The following TRIM60 variants were observed in gnomAD, a reference collection of about 807,000 sequenced individuals.
TRIM60 encodes the protein tripartite motif-containing protein 60.
For missense variants in TRIM60, 524 were observed against 540.8 expected, an observed-to-expected ratio of 0.97 and a Z score of 0.31; for synonymous variants, 189 against 195.2, an observed-to-expected ratio of 0.97 and a Z score of 0.27.
rs747251879 is a variant in TRIM60 at position 165,040,914 on chromosome 4, C to T, written c.842C>T (p.Pro281Leu). 6.2e-7 allele frequency: 1 copy of T among 1,613,214 alleles called. No individual in the cohort carries two copies. Among genetic ancestry groups the T allele is most frequent in the Admixed American group, 1.7e-5 (1 of 59,916 alleles). ...ACAAAATATGGTTTCAGTCTTCCTC[C>T]TCAATATTCTGGCTTGGACAGAATT... is the stretch of plus-strand genomic sequence containing the variant. ...RLTKYGFSLP[P>L]QYSGLDRIIK... Residue 281 changes from proline to leucine, a missense_variant, in exon 3 of 3, where the codon CCT (proline) becomes CTT (leucine). Transcript: ENST00000512596.
At chr4:165,037,766 G>A (rs961486950) in intron 1 of TRIM60, among the ~76,000 whole-genome samples, 1 of 152,178 alleles carries the variant, frequency 6.6e-6, no homozygotes, top group Admixed American at 6.5e-5. Context: ...GTGCAGTGGA[G>A]CTCTCTTTTA....
intron 1 of TRIM60, among the ~76,000 whole-genome samples, chr4:165,032,791 G>T (rs905187127): frequency 6.6e-5 from 10 of 152,152 alleles, no homozygotes; most frequent in Non-Finnish European, 1.2e-4. Flanking sequence ...GCTCACTTAC[G>T]TTTCGTATCA....
Position 165,040,393 on chromosome 4 carries a change from C to T in TRIM60, c.321C>T (p.Phe107=), listed in dbSNP as rs749143630. ...AACACAACCAGTTTCTGACCCTCTT[C>T]TGTGTTAAAGATCTAGAGATCTTAT... ...CEKHNQFLTL[F]CVKDLEILCT... is the part of the protein sequence containing the mutation. Residue 107 remains phenylalanine (F), a synonymous_variant, in exon 3 of 3, where the codon TTC becomes TTT. Transcript: ENST00000512596. 6.2e-7 allele frequency: 1 copy of T among 1,614,214 alleles called. No individual in the cohort carries two copies. The highest frequency in any genetic ancestry group is 8.5e-7 in the Non-Finnish European group (1 of 1,180,038).
rs1318726260 is a variant in TRIM60 at position 165,040,632 on chromosome 4, T to C, written c.560T>C (p.Phe187Ser). Residue 187 changes from phenylalanine to serine, a missense_variant, in exon 3 of 3, where the codon TTT becomes TCT. Coordinates refer to ENST00000512596, the MANE Select transcript of TRIM60 (RefSeq NM_152620.3). ...EYKREEINSE[F>S]EQIRLFLQNE... is the part of the protein sequence containing the mutation. The stretch of plus-strand genomic sequence containing the variant: ...AAGAGGGAAGAAATAAATTCTGAGT[T>C]TGAGCAAATAAGATTGTTTTTACAG... 2.5e-6 allele frequency: 4 copies of C among 1,614,094 alleles called. No individual in the cohort carries two copies. The highest frequency in any genetic ancestry group is 3.4e-6 in the Non-Finnish European group (4 of 1,180,012).
At chr4:165,040,016 G>C in intron 2 of TRIM60, 53 bp from the exon 3 acceptor site, 1 of 1,469,494 alleles carries the variant, frequency 6.8e-7, no homozygotes, top group Non-Finnish European at 9.3e-7. Context: ...TGCGCTCTAC[G>C]GAGGCAGGAC....
intron 1 of TRIM60, among the ~76,000 whole-genome samples, chr4:165,037,868 A>G (rs920454839): frequency 6.6e-6 from 1 of 152,190 alleles, no homozygotes; most frequent in Non-Finnish European, 1.5e-5. Flanking sequence ...TCATTCATGT[A>G]TCCACTTGTT....
chr4:165,032,496 G>T (rs559056859), intron 1 of TRIM60, among the ~76,000 whole-genome samples: 1 of 152,156 alleles, frequency 6.6e-6, no homozygotes, highest in Admixed American at 6.5e-5. Flanking sequence ...TGGTCCGCCC[G>T]CCTCGGCCTT....
chr4:165,040,307 A>G lies in TRIM60; in HGVS notation c.235A>G (p.Lys79Glu), dbSNP rs1169572929. ...PQLRNLTEIA[K>E]QLQIRRSKRK... ...GCTCCGTAATTTGACTGAAATTGCT[A>G]AACAACTCCAGATTAGGAGGAGCAA... Residue 79 changes from lysine to glutamate, a missense_variant, in exon 3 of 3, where the codon AAA becomes GAA. Coordinates refer to ENST00000512596, the MANE Select transcript of TRIM60 (RefSeq NM_152620.3). 2 of 1,614,098 alleles carry G rather than the reference A, an allele frequency of 1.2e-6. No homozygotes were observed. Among genetic ancestry groups the G allele is most frequent in the Non-Finnish European group, 1.7e-6 (2 of 1,180,040 alleles).
chr4:165,037,000 C>T (rs979029595), intron 1 of TRIM60, among the ~76,000 whole-genome samples: 2 of 151,932 alleles, frequency 1.3e-5, no homozygotes, highest in South Asian at 4.2e-4. Context: ...GTCAGGAGTT[C>T]GAGACCAGCC....
At position 165,041,497 on chromosome 4, in the gene TRIM60, T is replaced by C; in HGVS notation, c.*9T>C. 1 of 1,503,976 alleles carries C rather than the reference T, an allele frequency of 6.6e-7. No individual in the cohort carries two copies. Among genetic ancestry groups the C allele is most frequent in the Non-Finnish European group, 8.9e-7 (1 of 1,123,700 alleles). 93.2% of individuals were successfully genotyped at this position (1,503,976 alleles called of 1,614,324 possible). A position where few individuals can be genotyped will look rare whatever the true frequency, so the allele number is the denominator to read the frequency against. On this transcript the variant is annotated 3_prime_UTR_variant, in exon 3 of 3. Coordinates refer to ENST00000512596, the MANE Select transcript of TRIM60 (RefSeq NM_152620.3). Reference sequence around the variant, plus strand: ...CAGATTCTGAAAGATAAGGAACTGGTAAATGGGTCTGTTTCAGTTTTTGTA... The same window carrying C: ...CAGATTCTGAAAGATAAGGAACTGGCAAATGGGTCTGTTTCAGTTTTTGTA...
In TRIM60 at chr4:165,040,047, T is replaced by C. The variant is rs200072419; in HGVS notation, c.-4-22T>C. ...AGGACTGATCAAAGGGAGGTTACCT[T>C]ATGCATTACCTTTGTTCGCAGCTCG... On this transcript the variant is annotated intron_variant, in intron 2 of 2. Coordinates refer to ENST00000512596, the MANE Select transcript of TRIM60 (RefSeq NM_152620.3). 1,878 of 1,597,278 alleles carry C rather than the reference T, an allele frequency of 1.2e-3. 7 individuals are homozygous for C. In the Middle Eastern group the frequency reaches 0.013, roughly 11 times the overall value.
In TRIM60 at chr4:165,040,747, T is replaced by C; in HGVS notation, c.675T>C (p.Asp225=). 3 of 1,614,140 alleles carry C rather than the reference T, an allele frequency of 1.9e-6. No individual in the cohort carries two copies. The highest frequency in any genetic ancestry group is 2.5e-6 in the Non-Finnish European group (3 of 1,180,020). ...ATGAAAACCTTGTAGAACTTTCAGA[T>C]TATGTTTCCACATTAAAACATCTAC... ...KLNENLVELS[D]YVSTLKHLLR... Residue 225 remains aspartate (D), a synonymous_variant, in exon 3 of 3, where the codon GAT becomes GAC. Coordinates refer to ENST00000512596, the MANE Select transcript of TRIM60 (RefSeq NM_152620.3).
intron 1 of TRIM60, among the ~76,000 whole-genome samples, chr4:165,033,036 A>T: frequency 6.6e-6 from 1 of 152,144 alleles, no homozygotes; most frequent in Non-Finnish European, 1.5e-5. Context: ...CAAAAAAAAA[A>T]AAAAAAATCC....
At chr4:165,033,997 A>T (rs1213790543) in intron 1 of TRIM60, among the ~76,000 whole-genome samples, 1 of 152,116 alleles carries the variant, frequency 6.6e-6, no homozygotes, top group Non-Finnish European at 1.5e-5. Flanking sequence ...TATAGCTTGG[A>T]CTGAGAAGAG....
chr4:165,038,936 G>A (rs972326330), intron 1 of TRIM60, among the ~76,000 whole-genome samples: 6 of 151,868 alleles, frequency 4.0e-5, no homozygotes, highest in East Asian at 3.9e-4. Context: ...GGTGGTAGGC[G>A]CCTTAATCCC....
Position 165,041,168 on chromosome 4 carries a change from G to A in TRIM60, c.1096G>A (p.Val366Met), listed in dbSNP as rs1281129941. Reference sequence around the variant, plus strand: ...AAACAAACCTAAATGGATATTGGGTGTGTGTCAAGACTGTCTTCTTAGGAA... The same window carrying A: ...AAACAAACCTAAATGGATATTGGGTATGTGTCAAGACTGTCTTCTTAGGAA... ...VGNKPKWILG[V>M]CQDCLLRNWQ... The change falls in exon 3 of 3, where the codon GTG (valine) becomes ATG (methionine). Residue 366 changes from valine to methionine, a missense_variant. Val to Met is a conservative substitution (Grantham distance 21). Coordinates refer to ENST00000512596, the MANE Select transcript of TRIM60 (RefSeq NM_152620.3). 1 of 1,614,216 alleles carries A rather than the reference G, an allele frequency of 6.2e-7. No individual in the cohort carries two copies. The highest frequency in any genetic ancestry group is 1.7e-5 in the Admixed American group (1 of 60,022).
rs1733721090 is a variant in TRIM60 at position 165,040,208 on chromosome 4, G to A, written c.136G>A (p.Asp46Asn). 1 of 1,614,150 alleles carries A rather than the reference G, an allele frequency of 6.2e-7. No homozygotes were observed. The highest frequency in any genetic ancestry group is 2.2e-5 in the East Asian group (1 of 44,884). ...CTCCTGCCTCAGTGTATCCTGGAAG[G>A]ATCTAGATGATACCTTTCCCTGTCC... Reference protein sequence around the residue: ...CRSCLSVSWKDLDDTFPCPVC... With the variant: ...CRSCLSVSWKNLDDTFPCPVC... The change falls in exon 3 of 3, where the codon GAT (aspartate) becomes AAT (asparagine). Residue 46 changes from aspartate (D) to asparagine (N), a missense_variant. Asp to Asn is a conservative substitution (Grantham distance 23, BLOSUM62 1). Coordinates refer to ENST00000512596, the MANE Select transcript of TRIM60 (RefSeq NM_152620.3).
chr4:165,041,349 T>A lies in TRIM60; in HGVS notation c.1277T>A (p.Leu426His). 6.2e-7 allele frequency: 1 copy of A among 1,614,132 alleles called. No individual in the cohort carries two copies. The highest frequency in any genetic ancestry group is 1.3e-5 in the African/African-American group (1 of 75,044). ...TTTCTGGACTATGAATTGGGTGATCTTTCCTTTTATAATATGAATGATAGG... is the reference window on the plus strand; with the variant it reads ...TTTCTGGACTATGAATTGGGTGATCATTCCTTTTATAATATGAATGATAGG... ...GIFLDYELGD[L>H]SFYNMNDRSI... Residue 426 changes from leucine (L) to histidine (H), a missense_variant, in exon 3 of 3, where the codon CTT becomes CAT. Leu to His is a moderately conservative substitution (Grantham distance 99, BLOSUM62 -3). Transcript: ENST00000512596.
Position 165,040,177 on chromosome 4 carries a change from C to A in TRIM60, c.105C>A (p.Phe35Leu). The A allele has an allele frequency of 6.2e-7, 1 of 1,614,180 alleles. No individual in the cohort carries two copies. The highest frequency in any genetic ancestry group is 2.2e-5 in the East Asian group (1 of 44,876). Residue 35 changes from phenylalanine (F) to leucine (L), a missense_variant, in exon 3 of 3, where the codon TTC (phenylalanine) becomes TTA (leucine). Phe to Leu is a conservative substitution (Grantham distance 22). Transcript: ENST00000512596. Reference protein sequence around the residue: ...DPVTINCGHNFCRSCLSVSWK... With the variant: ...DPVTINCGHNLCRSCLSVSWK... ...TGACCATCAACTGTGGGCACAACTT[C>A]TGTCGCTCCTGCCTCAGTGTATCCT...
Sources: gnomAD v4.1 joint callset for allele counts (sites outside exome capture counted in the v4.1 genomes callset) on GRCh38, gnomAD v4.1.1 for gene constraint, MANE v1.5 for transcripts, NCBI Gene and HGNC (gene_info 2026-07-23, HGNC 2026-07-21) for gene names.